CEMIP: variants seen among roughly 807,000 people sequenced by gnomAD.
CEMIP encodes cell migration-inducing and hyaluronan-binding protein.
A neutral mutation model predicts 156.9 loss-of-function variants in CEMIP; 105 were observed. The ratio of observed to expected loss-of-function variants is 0.67; its 90% CI spans 0.57 to 0.79. CEMIP has a LOEUF of 0.79. Among genes scored for constraint, CEMIP ranks in the 30% least tolerant of loss-of-function variants. The probability of loss-of-function intolerance (pLI) is 0.00; values close to 1 mark genes in which losing one functional copy is unlikely to be tolerated. For missense variants in CEMIP, 1,457 were observed against 1,769.4 expected, an observed-to-expected ratio of 0.82 and a Z score of 3.17; for synonymous variants, 676 against 668.4, an observed-to-expected ratio of 1.01 and a Z score of -0.17.
chr15:80,878,896 C>G, intron 4 of CEMIP, 29 bp downstream of exon 4: 1 of 1,613,910 alleles, frequency 6.2e-7, no homozygotes, highest in Non-Finnish European at 8.5e-7. Flanking sequence ...GCTGCTCCCT[C>G]TTCCCTCCAC....
In CEMIP at chr15:80,947,256, C is replaced by T. The variant is rs182877288; in HGVS notation, c.3958+191C>T. 1.6e-3 allele frequency: 885 copies of T among 554,524 alleles called. 2 individuals are homozygous for T. The highest frequency in any genetic ancestry group is 1.5e-3 in the Non-Finnish European group (465 of 305,384). The allele number at this position is 554,524 out of a possible 1,614,324, so 34.4% of individuals were successfully genotyped here. A position where few individuals can be genotyped will look rare whatever the true frequency, so the allele number is the denominator to read the frequency against. On this transcript the variant is annotated intron_variant, in intron 29 of 29. Coordinates refer to ENST00000394685, the MANE Select transcript of CEMIP (RefSeq NM_001293298.2). ...GCAAGATGCCACCTGTTTACCACCC[C>T]TGCACTGCAGCAAATTTATTATAAC... is the stretch of plus-strand genomic sequence containing the variant.
chr15:80,885,751 G>A (rs935574677), intron 7 of CEMIP, among the ~76,000 whole-genome samples: 2 of 152,220 alleles, frequency 1.3e-5, no homozygotes, highest in Admixed American at 1.3e-4. Context: ...ACAATTAAAT[G>A]TGATAATATG....
At chr15:80,804,950 A>G (rs973060479) in intron 1 of CEMIP, among the ~76,000 whole-genome samples, 8 of 152,144 alleles carry the variant, frequency 5.3e-5, no homozygotes, top group African/African-American at 1.7e-4. Flanking sequence ...CTGAATTTCT[A>G]GAAGATCCAA....
At chr15:80,833,699 C>T (rs1355099196) in intron 1 of CEMIP, among the ~76,000 whole-genome samples, 1 of 144,692 alleles carries the variant, frequency 6.9e-6, no homozygotes, top group Non-Finnish European at 1.5e-5. Flanking sequence ...GACAGAGTCT[C>T]ACTCTGTCAC....
intron 12 of CEMIP, among the ~76,000 whole-genome samples, chr15:80,903,992 C>T (rs762946591): frequency 3.3e-5 from 5 of 152,146 alleles, no homozygotes; most frequent in African/African-American, 4.8e-5. Context: ...AGTGGGCTGC[C>T]CTGGAGGAGG....
rs980789612 is a variant in CEMIP, at chr15:80,833,627, A to C, written c.-175-39911A>C. ...CAGTCAAGATGGCTCTACCCTCCTC[A>C]TCATCATCATTTGTAGTAGGAGCAG... On this transcript the variant is annotated intron_variant, in intron 1 of 29. Transcript: ENST00000394685. Among the ~76,000 whole-genome samples, 7 of 150,376 alleles carry C rather than the reference A, an allele frequency of 4.7e-5. No homozygotes were observed. The South Asian group carries it at 1.1e-3, about 23-fold the overall frequency.
At chr15:80,795,000 G>A (rs1041869653) in intron 1 of CEMIP, among the ~76,000 whole-genome samples, 3 of 152,054 alleles carry the variant, frequency 2.0e-5, no homozygotes, top group African/African-American at 4.8e-5. Context: ...AAGAGTGGGG[G>A]CAAGGATGTC....
intron 6 of CEMIP, 113 bp from the exon 7 acceptor site, chr15:80,884,062 G>A: frequency 9.4e-7 from 1 of 1,062,698 alleles, no homozygotes; most frequent in Admixed American, 1.7e-5. Flanking sequence ...AAGAATCACA[G>A]CCCTGGGATC....
intron 1 of CEMIP, among the ~76,000 whole-genome samples, chr15:80,871,427 G>T (rs1347779172): frequency 2.6e-5 from 4 of 152,092 alleles, no homozygotes; most frequent in Non-Finnish European, 4.4e-5. Context: ...ACTCTTTTTT[G>T]GTCTTTGAAA....
chr15:80,881,509 G>C (rs767166113), intron 6 of CEMIP, among the ~76,000 whole-genome samples: 2 of 152,198 alleles, frequency 1.3e-5, no homozygotes, highest in Admixed American at 6.5e-5. Flanking sequence ...GGATATGTCA[G>C]GGAAAGAGTG....
intron 12 of CEMIP, among the ~76,000 whole-genome samples, chr15:80,904,698 C>T (rs1324287066): frequency 6.6e-6 from 1 of 152,120 alleles, no homozygotes; most frequent in Non-Finnish European, 1.5e-5. Context: ...CCAAGGAACA[C>T]AGGCAGCCAC....
chr15:80,928,233 A>G (rs1480770532), intron 19 of CEMIP, among the ~76,000 whole-genome samples: 1 of 151,966 alleles, frequency 6.6e-6, no homozygotes, highest in Non-Finnish European at 1.5e-5. Flanking sequence ...GGTAGCACAG[A>G]CCCAAGGCTC....
At chr15:80,835,501 C>T (rs1897252441) in intron 1 of CEMIP, among the ~76,000 whole-genome samples, 1 of 152,264 alleles carries the variant, frequency 6.6e-6, no homozygotes, top group Admixed American at 6.5e-5. Flanking sequence ...CATGGCCACC[C>T]TTCAGCCTGC....
intron 27 of CEMIP, 105 bp downstream of exon 27, chr15:80,942,442 G>C (rs577404388): frequency 3.1e-6 from 3 of 983,302 alleles, no homozygotes; most frequent in Non-Finnish European, 4.8e-6. Context: ...GCAAGGTGTT[G>C]GCAGGGGTGG....
At chr15:80,914,988 T>C (rs966755095) in intron 14 of CEMIP, among the ~76,000 whole-genome samples, 8 of 152,150 alleles carry the variant, frequency 5.3e-5, no homozygotes, top group Admixed American at 2.6e-4. Context: ...AGCTGTCCTC[T>C]TGTGCTGAGT....
rs745528766 is a variant in CEMIP at position 80,881,141 on chromosome 15, G to A, written c.617+5G>A. On this transcript the variant is annotated splice_donor_5th_base_variant and intron_variant, in intron 6 of 29. Transcript: ENST00000394685. The stretch of plus-strand genomic sequence containing the variant: ...CACAGTCATCCATTCTGACCGGTAA[G>A]GTTTGCCTTCACTTAAACGTATACT... 3 of 1,612,480 alleles carry A rather than the reference G, an allele frequency of 1.9e-6. No individual in the cohort carries two copies. The highest frequency in any genetic ancestry group is 3.3e-5 in the Admixed American group (2 of 60,000).
chr15:80,929,720 G>C (rs546238117), intron 21 of CEMIP, among the ~76,000 whole-genome samples: 1 of 152,220 alleles, frequency 6.6e-6, no homozygotes, highest in African/African-American at 2.4e-5. Context: ...CATTCTACAC[G>C]GGCACCGTGG....
chr15:80,810,598 G>A (rs530085793), intron 1 of CEMIP, among the ~76,000 whole-genome samples: 112 of 152,162 alleles, frequency 7.4e-4, no homozygotes, highest in Middle Eastern at 3.4e-3. Flanking sequence ...CTTGTGATCC[G>A]CCCTCCTCGG....
At chr15:80,941,174 T>C (rs1901320433) in intron 25 of CEMIP, among the ~76,000 whole-genome samples, 1 of 152,128 alleles carries the variant, frequency 6.6e-6, no homozygotes, top group Admixed American at 6.5e-5. Flanking sequence ...CAGAGCAAGA[T>C]GGGTGGTAGA....
Sources: gnomAD v4.1 joint callset for allele counts (sites outside exome capture counted in the v4.1 genomes callset) on GRCh38, gnomAD v4.1.1 for gene constraint, MANE v1.5 for transcripts, NCBI Gene and HGNC (gene_info 2026-07-23, HGNC 2026-07-21) for gene names.